Variants in DMGDH observed in about 807,000 individuals in gnomAD.
The protein encoded by DMGDH is dimethylglycine dehydrogenase, also known as dimethylglycine dehydrogenase, mitochondrial.
In DMGDH, 76 loss-of-function variants were observed where a neutral mutation model predicts 95.2. That is an observed-to-expected ratio of 0.80 (90% CI 0.66 to 0.97). The LOEUF is 0.97. DMGDH is among the 50% of genes least tolerant of loss of function. DMGDH has a pLI of 0.00. For missense variants in DMGDH, 987 were observed against 1,055.0 expected (o/e 0.94, Z 0.89); for synonymous variants, 345 against 377.6 (o/e 0.91, Z 1.00).
chr5:79,000,024 A>C, intron 15 of DMGDH: 1 of 301,030 alleles, frequency 3.3e-6, no homozygotes, highest in Non-Finnish European at 6.5e-6. Flanking sequence ...TTACGCTAAC[A>C]AATATGTTGG....
intron 7 of DMGDH, among the ~76,000 whole-genome samples, chr5:79,035,248 C>G (rs1180558831): frequency 2.0e-5 from 3 of 152,036 alleles, no homozygotes; most frequent in African/African-American, 7.2e-5. Context: ...TTCACTTAAC[C>G]AGGCCCAATG....
At position 79,059,263 on chromosome 5, in the gene DMGDH, G is replaced by A. The variant is rs141467751; in HGVS notation, c.277-3355C>T. On this transcript the variant is annotated intron_variant, in intron 2 of 15. Coordinates refer to ENST00000255189, the MANE Select transcript of DMGDH (RefSeq NM_013391.3). Reference sequence around the variant, plus strand: ...GCTACCTTAACGTTTGTAATACAGCGATGTGAAGGCCTGGTTCTGGCTTTA... The same window carrying A: ...GCTACCTTAACGTTTGTAATACAGCAATGTGAAGGCCTGGTTCTGGCTTTA... Among the ~76,000 whole-genome samples the A allele has an allele frequency of 7.4e-3, 1,129 of 152,274 alleles. 14 individuals are homozygous for A. The highest frequency in any genetic ancestry group is 0.026 in the African/African-American group (1,084 of 41,558).
rs142805003 is a variant in DMGDH at position 79,032,904 on chromosome 5, A to T, written c.1364-64T>A. The T allele has an allele frequency of 8.9e-5, 142 of 1,586,902 alleles. No individual in the cohort carries two copies. The East Asian group carries it at 3.0e-3, about 33-fold the overall frequency. On this transcript the variant is annotated intron_variant, in intron 8 of 15. Transcript: ENST00000255189. ...CAAAACAACAAGATACTTACATGGGATTCCAAATATGGAAATACAGTACTT... is the reference window on the plus strand; with the variant it reads ...CAAAACAACAAGATACTTACATGGGTTTCCAAATATGGAAATACAGTACTT...
intron 14 of DMGDH, chr5:79,021,071 AATG>A (rs1221990926): frequency 5.1e-6 from 5 of 986,016 alleles, no homozygotes; most frequent in African/African-American, 1.7e-5. Flanking sequence ...CATTGAGAAC[AATG>A]ATATGAGTCG....
chr5:79,030,650 A>G, intron 10 of DMGDH, 183 bp downstream of exon 10: 1 of 186,106 alleles, frequency 5.4e-6, no homozygotes, highest in South Asian at 1.1e-4. Flanking sequence ...TGTCTCTCAA[A>G]AAAAAAAAAA....
chr5:79,053,685 G>T (rs1362791632), intron 4 of DMGDH, among the ~76,000 whole-genome samples: 1 of 152,148 alleles, frequency 6.6e-6, no homozygotes, highest in Non-Finnish European at 1.5e-5. Flanking sequence ...TGTCAAGTAG[G>T]TTCTCTCAGG....
chr5:79,051,455 T>G lies in DMGDH; in HGVS notation c.577A>C (p.Ile193Leu). ...GCCATAGTTAGAGAATAAGGATCAATGTGACCATCTCCAGGATTATACAAT... is the reference window on the plus strand; with the variant it reads ...GCCATAGTTAGAGAATAAGGATCAAGGTGACCATCTCCAGGATTATACAAT... ...AGLYNPGDGH[I>L]DPYSLTMALA... The change falls in exon 5 of 16, where the codon ATT becomes CTT. Residue 193 changes from isoleucine to leucine, a missense_variant. Transcript: ENST00000255189. 5.0e-6 allele frequency: 8 copies of G among 1,614,172 alleles called. No homozygotes were observed. The highest frequency in any genetic ancestry group is 6.8e-6 in the Non-Finnish European group (8 of 1,180,022).
intron 15 of DMGDH, chr5:79,000,576 C>T (rs1488378877): frequency 1.3e-5 from 8 of 601,624 alleles, no homozygotes; most frequent in Middle Eastern, 2.9e-4. Flanking sequence ...GTGCTGTCAC[C>T]GAACTTTCTG....
At chr5:79,031,054 C>T (rs926643386) in intron 9 of DMGDH, 56 bp from the exon 10 acceptor site, 8 of 1,592,274 alleles carry the variant, frequency 5.0e-6, no homozygotes, top group Admixed American at 3.4e-5. Flanking sequence ...TCAAAAATTA[C>T]AGAATACGAT....
chr5:79,063,165 G>A (rs1277662117), intron 2 of DMGDH, among the ~76,000 whole-genome samples: 1 of 152,098 alleles, frequency 6.6e-6, no homozygotes, highest in East Asian at 1.9e-4. Context: ...CAGGTGAGGG[G>A]AGTATAGGTA....
chr5:79,011,252 C>G (rs1184246141), intron 14 of DMGDH, among the ~76,000 whole-genome samples: 1 of 152,132 alleles, frequency 6.6e-6, no homozygotes, highest in African/African-American at 2.4e-5. Flanking sequence ...TTAAAGCAAG[C>G]AGAAAACTTA....
chr5:79,024,476 A>G (rs955894278), intron 13 of DMGDH, 146 bp from the exon 14 acceptor site: 1 of 755,452 alleles, frequency 1.3e-6, no homozygotes, highest in Non-Finnish European at 2.2e-6. Context: ...CCGGTTTTGA[A>G]AACAATTTTT....
chr5:79,010,554 A>T (rs1753631228), intron 14 of DMGDH, among the ~76,000 whole-genome samples: 2 of 152,216 alleles, frequency 1.3e-5, no homozygotes, highest in African/African-American at 4.8e-5. Flanking sequence ...GTGATGATGG[A>T]ATGCTGTCCC....
In DMGDH at chr5:79,061,083, C is replaced by G. The variant is rs371379295; in HGVS notation, c.276+2530G>C. 2.6e-5 allele frequency among the ~76,000 whole-genome samples: 4 copies of G among 151,780 alleles called. No homozygotes were observed. The East Asian group carries it at 7.7e-4, about 29-fold the overall frequency. On this transcript the variant is annotated intron_variant, in intron 2 of 15. Transcript: ENST00000255189. ...CAAAAAACTTTAAAAATTAGCAAGG[C>G]GTGGTCGTGCACAGCTGTGGTCCCA...
intron 4 of DMGDH, among the ~76,000 whole-genome samples, chr5:79,053,926 A>C (rs182762648): frequency 1.3e-5 from 2 of 152,340 alleles, no homozygotes; most frequent in Admixed American, 6.5e-5. Context: ...GGGGGACACA[A>C]TAATGGAAAG....
intron 14 of DMGDH, among the ~76,000 whole-genome samples, chr5:79,007,833 C>T (rs146663128): frequency 6.6e-6 from 1 of 152,288 alleles, no homozygotes; most frequent in East Asian, 1.9e-4. Flanking sequence ...TATTGTTAAG[C>T]CCCTGCTGAA....
chr5:79,039,913 G>A (rs1012973490), intron 7 of DMGDH, among the ~76,000 whole-genome samples: 1 of 152,144 alleles, frequency 6.6e-6, no homozygotes, highest in African/African-American at 2.4e-5. Context: ...AAGGCACCTG[G>A]AAAGGGCCTG....
At chr5:79,046,383 C>CTGTTT (rs1363534848) in intron 5 of DMGDH, among the ~76,000 whole-genome samples, 1 of 143,734 alleles carries the variant, frequency 7.0e-6, no homozygotes, top group East Asian at 2.0e-4. Flanking sequence ...AATGCTTGGC[C>CTGTTT]TGTTTTGTTT....
intron 10 of DMGDH, chr5:79,030,612 C>G: frequency 2.1e-6 from 1 of 478,150 alleles, no homozygotes; most frequent in Non-Finnish European, 3.7e-6. Context: ...CACCACTGCA[C>G]TCCAGCCTGG....
Sources: allele counts gnomAD v4.1 joint callset (sites outside exome capture counted in the v4.1 genomes callset), GRCh38; gene constraint gnomAD v4.1.1; transcripts MANE v1.5; gene names NCBI Gene and HGNC (gene_info 2026-07-23, HGNC 2026-07-21).